Variants in MYH1 observed in about 807,000 individuals in gnomAD.
The protein encoded by MYH1 is myosin heavy chain 1.
Under a neutral mutation model 225.6 loss-of-function variants are expected in MYH1, and 214 were observed. That is an observed-to-expected ratio of 0.95 (90% CI 0.85 to 1.06). The LOEUF is 1.06. Among genes scored for constraint, MYH1 ranks in the 50% least tolerant of loss-of-function variants. The pLI is 0.00. For synonymous variants in MYH1, 774 were observed against 842.3 expected (o/e 0.92, Z 1.40); for missense variants, 2,098 against 2,344.2 (o/e 0.89, Z 2.17).
rs913880034 is a variant in MYH1 at position 10,505,025 on chromosome 17, T to C, written c.2476A>G (p.Met826Val). The C allele has an allele frequency of 2.5e-6, 4 of 1,614,106 alleles. No individual in the cohort carries two copies. The African/African-American group carries it at 5.3e-5, about 22-fold the overall frequency. ...FCIQYNVRAF[M>V]NVKHWPWMKL... is the part of the protein sequence containing the mutation. Reference sequence around the variant, plus strand: ...ATCCAGGGCCAGTGCTTCACATTCATGAAGGCACGGACATTGTACTGGATG... The same window carrying C: ...ATCCAGGGCCAGTGCTTCACATTCACGAAGGCACGGACATTGTACTGGATG... Residue 826 changes from methionine to valine, a missense_variant, in exon 22 of 40, where the codon ATG (methionine) becomes GTG (valine). Met to Val is a conservative substitution (Grantham distance 21). Transcript: ENST00000226207.
At position 10,508,301 on chromosome 17, in the gene MYH1, C is replaced by T. The variant is rs559924159; in HGVS notation, c.1897+62G>A. 1,021 of 1,509,718 alleles carry T rather than the reference C, an allele frequency of 6.8e-4. 2 individuals are homozygous for T. The Middle Eastern group carries it at 8.5e-3, about 13-fold the overall frequency. The allele number at this position is 1,509,718 out of a possible 1,614,324, so 93.5% of individuals were successfully genotyped here. ...CCCAAAATGCTGGGATTACAGGCACCGTGTCTGGCCTCTAGTTATGTTTTA... is the reference window on the plus strand; with the variant it reads ...CCCAAAATGCTGGGATTACAGGCACTGTGTCTGGCCTCTAGTTATGTTTTA... On this transcript the variant is annotated intron_variant, in intron 16 of 39. Coordinates refer to ENST00000226207, the MANE Select transcript of MYH1 (RefSeq NM_005963.4).
chr17:10,514,933 G>C, intron 5 of MYH1, 38 bp from the exon 6 acceptor site: 3 of 1,599,074 alleles, frequency 1.9e-6, no homozygotes, highest in Non-Finnish European at 2.6e-6. Context: ...ATATGTATCA[G>C]TTACACAAAC....
Position 10,494,589 on chromosome 17 carries a change from C to T in MYH1, c.5551G>A (p.Val1851Met), listed in dbSNP as rs201016485. Residue 1851 changes from valine (V) to methionine (M), a missense_variant, in exon 38 of 40, where the codon GTG becomes ATG. By Grantham distance (21) the Val-to-Met change is conservative (BLOSUM62 1). Transcript: ENST00000226207. ...VKGLRKHERKVKELTYQTEED... is the reference protein window; with the variant it reads ...VKGLRKHERKMKELTYQTEED... ...CTTACTTGGTAAGTGAGTTCCTTCA[C>T]TTTTCTCTCATGTTTGCGTAGACCC... 3 of 1,614,016 alleles carry T rather than the reference C, an allele frequency of 1.9e-6. No individual in the cohort carries two copies. Among genetic ancestry groups the T allele is most frequent in the East Asian group, 2.2e-5 (1 of 44,878 alleles).
At chr17:10,514,202 A>G in intron 6 of MYH1, 78 bp from the exon 7 acceptor site, 1 of 1,515,244 alleles carries the variant, frequency 6.6e-7, no homozygotes, top group Non-Finnish European at 9.1e-7. Context: ...TTGTCTTTAT[A>G]TCTCTATTAG....
chr17:10,508,261 T>C (rs1315954601), intron 16 of MYH1, 102 bp downstream of exon 16: 1 of 1,320,166 alleles, frequency 7.6e-7, no homozygotes, highest in Non-Finnish European at 1.0e-6. Context: ...TCAGGCAATC[T>C]ACCCACCTTG....
At chr17:10,507,343 G>A (rs2073123223) in intron 17 of MYH1, among the ~76,000 whole-genome samples, 1 of 152,116 alleles carries the variant, frequency 6.6e-6, no homozygotes, top group East Asian at 1.9e-4. Flanking sequence ...GATTACAGGC[G>A]TGAGCAACTG....
rs1367898107 is a variant in MYH1, at chr17:10,501,220, G to A, written c.3628C>T (p.Gln1210Ter). The change falls in exon 27 of 40, where the codon CAG (glutamine) becomes TAG (stop). Residue 1210 changes from glutamine (Q) to a stop codon, truncating the protein, a stop_gained. Coordinates refer to ENST00000226207, the MANE Select transcript of MYH1 (RefSeq NM_005963.4). LOFTEE classifies it high-confidence loss of function. ...HADSVAELGE[Q>*]IDNLQRVKQK... ...TTCACTCGCTGCAGGTTGTCAATCTGCTCCCCAAGCTCGGCCACACTATCT... is the reference window on the plus strand; with the variant it reads ...TTCACTCGCTGCAGGTTGTCAATCTACTCCCCAAGCTCGGCCACACTATCT... 2 of 1,614,012 alleles carry A rather than the reference G, an allele frequency of 1.2e-6. No individual in the cohort carries two copies. Among genetic ancestry groups the A allele is most frequent in the African/African-American group, 2.7e-5 (2 of 74,908 alleles).
chr17:10,494,712 G>A (rs375586465), intron 37 of MYH1, 39 bp from the exon 38 acceptor site: 19 of 1,609,532 alleles, frequency 1.2e-5, no homozygotes, highest in African/African-American at 4.0e-5. Flanking sequence ...TTCATTTGAC[G>A]AATTTCTACT....
At chr17:10,501,945 GA>G in intron 24 of MYH1, 34 bp from the exon 25 acceptor site, 4 of 1,576,862 alleles carry the variant, frequency 2.5e-6, no homozygotes, top group Non-Finnish European at 3.4e-6. Flanking sequence ...ATGGTTCTTA[GA>G]ATGGTAGCAC....
At position 10,497,138 on chromosome 17, in the gene MYH1, T is replaced by C. The variant is rs1366511869; in HGVS notation, c.4587A>G (p.Glu1529=). Residue 1529 remains glutamate, a synonymous_variant, in exon 33 of 40, where the codon GAA becomes GAG. Transcript: ENST00000226207. ...QIAEGGKRIH[E]LEKIKKQVEQ... ...CAACTTGCTTCTTTATTTTTTCCAG[T>C]TCATGGATGCGCTTTCCTCCTTCTG... The C allele has an allele frequency of 6.2e-7, 1 of 1,614,154 alleles. No homozygotes were observed. Among genetic ancestry groups the C allele is most frequent in the Admixed American group, 1.7e-5 (1 of 60,022 alleles).
At position 10,501,682 on chromosome 17, in the gene MYH1, T is replaced by A. The variant is rs1255074677; in HGVS notation, c.3260A>T (p.Lys1087Ile). The A allele has an allele frequency of 1.9e-6, 3 of 1,614,114 alleles. No individual in the cohort carries two copies. Among genetic ancestry groups the A allele is most frequent in the East Asian group, 4.5e-5 (2 of 44,896 alleles). Residue 1087 changes from lysine to isoleucine, a missense_variant and splice_region_variant, in exon 26 of 40, where the codon AAA (lysine) becomes ATA (isoleucine). Transcript: ENST00000226207. Reference sequence around the variant, plus strand: ...TTGCAGACCGCTCATTTCAAACTCTTTCCTATTAGAAAAGCCCTTTATGTC... The same window carrying A: ...TTGCAGACCGCTCATTTCAAACTCTATCCTATTAGAAAAGCCCTTTATGTC... ...KQQLDEKLKK[K>I]EFEMSGLQSK... is the part of the protein sequence containing the mutation.
rs1489533536 is a variant in MYH1, at chr17:10,511,908, C to A, written c.1347G>T (p.Gln449His). 1.2e-6 allele frequency: 2 copies of A among 1,614,104 alleles called. No homozygotes were observed. The highest frequency in any genetic ancestry group is 8.5e-7 in the Non-Finnish European group (1 of 1,180,040). ...ACTGCCTGGGCTGCTTGGTGTCCAGCTGCTGGTTGATGCGGGTGACCATCC... is the reference window on the plus strand; with the variant it reads ...ACTGCCTGGGCTGCTTGGTGTCCAGATGCTGGTTGATGCGGGTGACCATCC... ...FLWMVTRINQ[Q>H]LDTKQPRQYF... The change falls in exon 14 of 40, where the codon CAG becomes CAT. Residue 449 changes from glutamine to histidine, a missense_variant. Gln to His is a conservative substitution (Grantham distance 24). Transcript: ENST00000226207.
intron 28 of MYH1, among the ~76,000 whole-genome samples, 163 bp downstream of exon 28, chr17:10,500,463 A>T (rs571692724): frequency 6.6e-6 from 1 of 152,082 alleles, no homozygotes; most frequent in South Asian, 2.1e-4. Context: ...TATATATATG[A>T]AAGAAAGCAA....
At chr17:10,510,631 G>A (rs2073161616) in intron 14 of MYH1, among the ~76,000 whole-genome samples, 1 of 152,106 alleles carries the variant, frequency 6.6e-6, no homozygotes, top group Admixed American at 6.5e-5. Context: ...ATACACAAAA[G>A]TCAAAGGAAT....
At chr17:10,516,727 C>A in intron 2 of MYH1, 45 bp from the exon 3 acceptor site, 2 of 1,510,518 alleles carry the variant, frequency 1.3e-6, no homozygotes, top group Non-Finnish European at 9.0e-7. Flanking sequence ...GAAACTGGAC[C>A]ATTAGATTCA....
chr17:10,513,616 T>C lies in MYH1; in HGVS notation c.805+10A>G. ...TTCTTGGATTCTATTTAGGAGGTCC[T>C]GTTACTCACATGTTTCAATATCAGC... is the stretch of plus-strand genomic sequence containing the variant. On this transcript the variant is annotated intron_variant, in intron 9 of 39. Transcript: ENST00000226207. 1 of 1,613,034 alleles carries C rather than the reference T, an allele frequency of 6.2e-7. No homozygotes were observed. The highest frequency in any genetic ancestry group is 8.5e-7 in the Non-Finnish European group (1 of 1,178,986).
rs745801213 is a variant in MYH1, at chr17:10,516,430, T to C, written c.204+9A>G. 3 of 1,614,198 alleles carry C rather than the reference T, an allele frequency of 1.9e-6. No individual in the cohort carries two copies. The highest frequency in any genetic ancestry group is 1.1e-5 in the South Asian group (1 of 91,080). On this transcript the variant is annotated intron_variant, in intron 3 of 39. Transcript: ENST00000226207. The stretch of plus-strand genomic sequence containing the variant: ...CAGAGTCTAATCAGCTCCAGGTGTT[T>C]TTACTCACAGCTCCAGCTTCGGTCT...
At chr17:10,495,446 T>A (rs1164253620) in intron 35 of MYH1, 129 bp from the exon 36 acceptor site, 8 of 1,303,702 alleles carry the variant, frequency 6.1e-6, no homozygotes, top group African/African-American at 3.0e-5. Flanking sequence ...TCATAAATTA[T>A]CTGAGTTGAC....
chr17:10,517,367 A>C (rs2073239208), intron 2 of MYH1, among the ~76,000 whole-genome samples: 1 of 152,196 alleles, frequency 6.6e-6, no homozygotes, highest in Non-Finnish European at 1.5e-5. Flanking sequence ...AATAATTTTG[A>C]CAAACTCAAC....
Sources: gnomAD v4.1 joint callset for allele counts (sites outside exome capture counted in the v4.1 genomes callset) on GRCh38, gnomAD v4.1.1 for gene constraint, MANE v1.5 for transcripts, NCBI Gene and HGNC (gene_info 2026-07-23, HGNC 2026-07-21) for gene names.